Variants in COL24A1 observed in about 807,000 individuals in gnomAD.
COL24A1 encodes the protein collagen alpha-1(XXIV) chain.
COL24A1 carries 224 observed loss-of-function variants against 253.9 expected under a neutral mutation model. The ratio of observed to expected loss-of-function variants is 0.88; its 90% CI spans 0.79 to 0.99. The LOEUF (loss-of-function observed/expected upper bound fraction) is 0.99. COL24A1 is among the 50% of genes least tolerant of loss of function. COL24A1 has a pLI of 0.00. For missense variants in COL24A1, 2,131 were observed against 2,068.5 expected (o/e 1.03, Z -0.59); for synonymous variants, 685 against 673.7 (o/e 1.02, Z -0.26).
chr1:86,096,369 A>G (rs1336054), intron 5 of COL24A1, among the ~76,000 whole-genome samples: 21,087 of 152,100 alleles, frequency 0.14, 1,527 homozygotes, highest in Middle Eastern at 0.21. Context: ...TTGAGGTAGC[A>G]TCATTTGGAT....
intron 35 of COL24A1, 120 bp from the exon 36 acceptor site, chr1:85,868,955 C>T: frequency 1.7e-6 from 1 of 605,064 alleles, no homozygotes; most frequent in Non-Finnish European, 2.8e-6. Flanking sequence ...ATTTCTACTA[C>T]TTTATTTCTA....
At chr1:85,853,736 T>G (rs1678086369) in intron 37 of COL24A1, among the ~76,000 whole-genome samples, 1 of 152,232 alleles carries the variant, frequency 6.6e-6, no homozygotes. Flanking sequence ...TTGAGCATTT[T>G]TTCATCTACT....
At chr1:85,901,489 G>C (rs1208622256) in intron 28 of COL24A1, among the ~76,000 whole-genome samples, 1 of 152,036 alleles carries the variant, frequency 6.6e-6, no homozygotes, top group Non-Finnish European at 1.5e-5. Context: ...AGCCACTATG[G>C]AAAAGAGTAT....
At chr1:86,072,099 C>T (rs960378919) in intron 7 of COL24A1, among the ~76,000 whole-genome samples, 13 of 152,282 alleles carry the variant, frequency 8.5e-5, no homozygotes, top group South Asian at 2.1e-4. Context: ...GGGGAGACAA[C>T]GAGCTAGCTG....
chr1:86,142,343 GA>G (rs1319137602), intron 2 of COL24A1, among the ~76,000 whole-genome samples: 1 of 151,898 alleles, frequency 6.6e-6, no homozygotes, highest in African/African-American at 2.4e-5. Context: ...CTAACACGGT[GA>G]AACCCTGTCT....
Position 86,063,733 on chromosome 1 carries a change from T to C in COL24A1, c.1734A>G (p.Pro578=). 6.4e-7 allele frequency: 1 copy of C among 1,554,156 alleles called. No homozygotes were observed. Among genetic ancestry groups the C allele is most frequent in the Non-Finnish European group, 8.7e-7 (1 of 1,149,746 alleles). The change falls in exon 8 of 60, where the codon CCA becomes CCG. Residue 578 remains proline, a synonymous_variant. Coordinates refer to ENST00000370571, the MANE Select transcript of COL24A1 (RefSeq NM_152890.7). ...TACCTACTTGTTCACCTGGAAGTCC[T>C]GGGAGTCCAGGATGTCCTTTGAGAC... is the stretch of plus-strand genomic sequence containing the variant. The part of the protein sequence containing the change: ...DKGLKGHPGL[P]GLPGEQGIPG...
rs529929994 is a variant in COL24A1 at position 86,146,003 on chromosome 1, T to G, written c.121+116A>C. On this transcript the variant is annotated intron_variant, in intron 2 of 59. Transcript: ENST00000370571. The stretch of plus-strand genomic sequence containing the variant: ...ACATTCTCATGGTACTGGGTGGAAT[T>G]TTTGTTATTGTTTAATGTTGAATTT... 1.9e-5 allele frequency: 16 copies of G among 835,658 alleles called. No individual in the cohort carries two copies. The South Asian group carries it at 3.2e-4, about 17-fold the overall frequency. 51.8% of individuals were successfully genotyped at this position (835,658 alleles called of 1,614,324 possible). A position where few individuals can be genotyped will look rare whatever the true frequency, so the allele number is the denominator to read the frequency against.
intron 2 of COL24A1, among the ~76,000 whole-genome samples, chr1:86,144,232 A>T (rs1651555769): frequency 6.6e-6 from 1 of 152,070 alleles, no homozygotes; most frequent in Non-Finnish European, 1.5e-5. Flanking sequence ...CATAAATGAG[A>T]TCTTAAGGGT....
At chr1:85,825,702 T>G (rs551821556) in intron 43 of COL24A1, among the ~76,000 whole-genome samples, 2 of 147,942 alleles carry the variant, frequency 1.4e-5, no homozygotes, top group East Asian at 2.0e-4. Context: ...TCATGTGTTT[T>G]TTGGCTGCAT....
At chr1:85,812,389 T>C (rs181353291) in intron 47 of COL24A1, among the ~76,000 whole-genome samples, 350 of 152,320 alleles carry the variant, frequency 2.3e-3, no homozygotes, top group Non-Finnish European at 4.1e-3. Flanking sequence ...TAGATCTGCA[T>C]TGATTGTCAA....
intron 28 of COL24A1, 118 bp downstream of exon 28, chr1:85,907,076 A>T: frequency 1.4e-6 from 1 of 694,496 alleles, no homozygotes; most frequent in Non-Finnish European, 2.4e-6. Flanking sequence ...AATAGAAAAA[A>T]CCTGACAAGA....
At chr1:86,134,920 C>T (rs1394468368) in intron 2 of COL24A1, among the ~76,000 whole-genome samples, 10 of 151,118 alleles carry the variant, frequency 6.6e-5, no homozygotes, top group Admixed American at 6.0e-4. Context: ...CCTTCTGTCT[C>T]GTGGATCTGT....
chr1:85,804,889 C>G (rs1429222532), intron 47 of COL24A1, among the ~76,000 whole-genome samples: 1 of 151,832 alleles, frequency 6.6e-6, no homozygotes, highest in Non-Finnish European at 1.5e-5. Context: ...TTTTGTCACC[C>G]AGTCTGGAGT....
At chr1:85,919,808 T>C (rs183620587) in intron 24 of COL24A1, among the ~76,000 whole-genome samples, 65 of 152,336 alleles carry the variant, frequency 4.3e-4, no homozygotes, top group African/African-American at 1.3e-3. Flanking sequence ...TAACTTTCTG[T>C]TGTGTTAAAA....
intron 55 of COL24A1, among the ~76,000 whole-genome samples, chr1:85,757,547 C>T (rs947815256): frequency 4.7e-5 from 7 of 150,096 alleles, no homozygotes; most frequent in Non-Finnish European, 7.4e-5. Context: ...ACCATCAGTG[C>T]AGGCGACAAC....
In COL24A1 at chr1:85,729,459, A is replaced by C. The variant is rs549067343; in HGVS notation, c.*1087T>G. On this transcript the variant is annotated 3_prime_UTR_variant, in exon 60 of 60. Coordinates refer to ENST00000370571, the MANE Select transcript of COL24A1 (RefSeq NM_152890.7). ...CTGGATGTTGCTTTAAAGACTGGTA[A>C]ATTAAAAATTTTAAAGTACTAACAC... is the stretch of plus-strand genomic sequence containing the variant. 1.1e-3 allele frequency: 168 copies of C among 152,612 alleles called. 1 individual carries two copies. The highest frequency in any genetic ancestry group is 3.9e-3 in the African/African-American group (161 of 41,564). The allele number at this position is 152,612 out of a possible 1,614,324, so 9.5% of individuals were successfully genotyped here.
intron 19 of COL24A1, among the ~76,000 whole-genome samples, chr1:86,015,931 C>A (rs1696950753): frequency 6.7e-6 from 1 of 148,452 alleles, no homozygotes; most frequent in Admixed American, 6.8e-5. Flanking sequence ...GTCACCCAGG[C>A]TGAAGTGCAG....
intron 55 of COL24A1, among the ~76,000 whole-genome samples, chr1:85,756,057 CAAAAAAAAA>C (rs200030128): frequency 1.8e-4 from 17 of 95,820 alleles, no homozygotes; most frequent in South Asian, 1.6e-3. Flanking sequence ...TACTAACAAC[CAAAAAAAAA>C]AAAAAAAAAA....
At chr1:85,891,899 C>G (rs1484280073) in intron 31 of COL24A1, among the ~76,000 whole-genome samples, 1 of 152,106 alleles carries the variant, frequency 6.6e-6, no homozygotes, top group African/African-American at 2.4e-5. Context: ...AAAGCACAAG[C>G]TGGAATAAAA....
Sources: gnomAD v4.1 joint callset for allele counts (sites outside exome capture counted in the v4.1 genomes callset) on GRCh38, gnomAD v4.1.1 for gene constraint, MANE v1.5 for transcripts, NCBI Gene and HGNC (gene_info 2026-07-23, HGNC 2026-07-21) for gene names.